Variants in LTBP1 observed in about 807,000 individuals in gnomAD.
LTBP1 encodes latent transforming growth factor beta binding protein 1.
Under a neutral mutation model 207.6 loss-of-function variants are expected in LTBP1, and 129 were observed. That is an observed-to-expected ratio of 0.62 (90% confidence interval 0.54 to 0.72). LTBP1 has a LOEUF of 0.72. Among genes scored for constraint, LTBP1 ranks in the 30% least tolerant of loss-of-function variants. LTBP1 has a pLI of 0.00. For synonymous variants in LTBP1, 963 were observed against 833.7 expected (o/e 1.16, Z -2.67); for missense variants, 2,281 against 2,217.2 (o/e 1.03, Z -0.58).
chr2:33,251,388 C>T (rs894820174), intron 10 of LTBP1, among the ~76,000 whole-genome samples: 2 of 152,220 alleles, frequency 1.3e-5, no homozygotes, highest in South Asian at 2.1e-4. Flanking sequence ...GCTGGGCGCA[C>T]GGTGGCTCAC....
intron 4 of LTBP1, among the ~76,000 whole-genome samples, chr2:33,126,550 G>A (rs1016599643): frequency 1.3e-5 from 2 of 152,192 alleles, no homozygotes; most frequent in African/African-American, 4.8e-5. Context: ...CTGAAAATGG[G>A]CAACCTAAAA....
chr2:33,119,018 G>C (rs1210423150), intron 4 of LTBP1, among the ~76,000 whole-genome samples: 1 of 152,120 alleles, frequency 6.6e-6, no homozygotes, highest in Non-Finnish European at 1.5e-5. Context: ...ATTCCTCGAT[G>C]AGCAGCCTTC....
intron 3 of LTBP1, among the ~76,000 whole-genome samples, chr2:33,039,160 C>T (rs1163504987): frequency 6.6e-6 from 1 of 152,166 alleles, no homozygotes; most frequent in Non-Finnish European, 1.5e-5. Context: ...TAATCCCACT[C>T]TTCTCTTTGA....
At chr2:33,172,579 A>T (rs576656050) in intron 5 of LTBP1, among the ~76,000 whole-genome samples, 1 of 152,332 alleles carries the variant, frequency 6.6e-6, no homozygotes, top group African/African-American at 2.4e-5. Flanking sequence ...CCCACTGTCA[A>T]CATTAGACAG....
At chr2:33,329,703 G>T (rs958562160) in intron 24 of LTBP1, among the ~76,000 whole-genome samples, 3 of 151,790 alleles carry the variant, frequency 2.0e-5, no homozygotes, top group African/African-American at 7.3e-5. Flanking sequence ...AGATATATAT[G>T]AATATATTTC....
chr2:33,003,606 C>T (rs993469074), intron 2 of LTBP1, among the ~76,000 whole-genome samples: 9 of 152,130 alleles, frequency 5.9e-5, no homozygotes, highest in African/African-American at 2.2e-4. Flanking sequence ...TATATTGAGT[C>T]AGAAGAAAAG....
intron 19 of LTBP1, among the ~76,000 whole-genome samples, chr2:33,286,138 C>A (rs1364401063): frequency 6.6e-6 from 1 of 152,100 alleles, no homozygotes; most frequent in Non-Finnish European, 1.5e-5. Flanking sequence ...AACTTGAGAC[C>A]CGGTAACACA....
At chr2:33,125,520 T>C (rs2150450495) in intron 4 of LTBP1, among the ~76,000 whole-genome samples, 1 of 152,246 alleles carries the variant, frequency 6.6e-6, no homozygotes, top group Non-Finnish European at 1.5e-5. Context: ...ATGTTAGTTA[T>C]CAGTTGCTGC....
intron 2 of LTBP1, among the ~76,000 whole-genome samples, chr2:32,996,142 A>G (rs545014508): frequency 6.6e-6 from 1 of 152,340 alleles, no homozygotes; most frequent in African/African-American, 2.4e-5. Flanking sequence ...GGATGCTATA[A>G]CAAAATACCG....
At chr2:33,381,548 A>T (rs532399561) in intron 31 of LTBP1, among the ~76,000 whole-genome samples, 1 of 152,228 alleles carries the variant, frequency 6.6e-6, no homozygotes, top group Non-Finnish European at 1.5e-5. Context: ...CTCGACAAGT[A>T]CAATTTAATT....
chr2:33,146,283 T>C (rs2083034777), intron 5 of LTBP1, among the ~76,000 whole-genome samples: 1 of 152,216 alleles, frequency 6.6e-6, no homozygotes, highest in African/African-American at 2.4e-5. Context: ...CTGCTCTTCT[T>C]ACTCTCAAGA....
intron 11 of LTBP1, among the ~76,000 whole-genome samples, chr2:33,254,852 G>GTTTTTTGTTTTTTTTTTT (rs2092794817): frequency 9.7e-5 from 1 of 10,362 alleles, no homozygotes; most frequent in Admixed American, 1.7e-3. Flanking sequence ...GCGGTGTTTG[G>GTTTTTTGTTTTTTTTTTT]TTTTTTTTTT....
At chr2:33,135,583 G>C (rs902092725) in intron 5 of LTBP1, among the ~76,000 whole-genome samples, 1 of 149,092 alleles carries the variant, frequency 6.7e-6, no homozygotes, top group Non-Finnish European at 1.5e-5. Flanking sequence ...ACGTGGATTT[G>C]GGGAAGACAG....
At chr2:33,199,888 T>G (rs1317823183) in intron 7 of LTBP1, among the ~76,000 whole-genome samples, 8 of 152,122 alleles carry the variant, frequency 5.3e-5, no homozygotes, top group Non-Finnish European at 7.4e-5. Flanking sequence ...GCTTCCAAGA[T>G]AATAAAATAC....
At chr2:33,084,683 C>T (rs922467141) in intron 3 of LTBP1, among the ~76,000 whole-genome samples, 11 of 152,160 alleles carry the variant, frequency 7.2e-5, no homozygotes, top group Non-Finnish European at 1.6e-4. Flanking sequence ...AACTCCTGTG[C>T]GCAAACAGGC....
chr2:33,303,807 G>A (rs1358475904), intron 22 of LTBP1, among the ~76,000 whole-genome samples: 2 of 152,150 alleles, frequency 1.3e-5, no homozygotes, highest in Admixed American at 1.3e-4. Context: ...CTCACCTCCT[G>A]CAGTGCCGCC....
chr2:33,378,183 ATATGTGTG>A (rs760529638), intron 31 of LTBP1, among the ~76,000 whole-genome samples: 61 of 136,452 alleles, frequency 4.5e-4, no homozygotes, highest in African/African-American at 9.1e-4. Context: ...ATATATATAT[ATATGTGTG>A]TGTGTGTGTG....
At chr2:33,283,551 C>G (rs902331461) in intron 19 of LTBP1, among the ~76,000 whole-genome samples, 1 of 150,836 alleles carries the variant, frequency 6.6e-6, no homozygotes, top group Non-Finnish European at 1.5e-5. Flanking sequence ...ATTCTCCTAC[C>G]TCAGCCTCCT....
rs1291761967 is a variant in LTBP1 at position 33,262,656 on chromosome 2, CTAAAAA to C, written c.2419-62_2419-57del. ...CATAAAAATAGTAATATGTGGGAAACTAAAAATAATTTCCACTTTCAATTCTTTTTT... is the reference window on the plus strand; with the variant it reads ...CATAAAAATAGTAATATGTGGGAAACTAATTTCCACTTTCAATTCTTTTTT... On this transcript the variant is annotated intron_variant, in intron 13 of 33. Coordinates refer to ENST00000404816, the MANE Select transcript of LTBP1 (RefSeq NM_206943.4). 12 of 746,158 alleles carry C rather than the reference CTAAAAA, an allele frequency of 1.6e-5. No individual in the cohort carries two copies. In the East Asian group the frequency reaches 3.7e-4, roughly 23 times the overall value. The allele number at this position is 746,158 out of a possible 1,614,324, so 46.2% of individuals were successfully genotyped here. A position where few individuals can be genotyped will look rare whatever the true frequency, so the allele number is the denominator to read the frequency against.
Sources: allele counts gnomAD v4.1 joint callset (sites outside exome capture counted in the v4.1 genomes callset), GRCh38; gene constraint gnomAD v4.1.1; transcripts MANE v1.5; gene names NCBI Gene and HGNC (gene_info 2026-07-23, HGNC 2026-07-21).